GAS2L3: variants seen among roughly 807,000 people sequenced by gnomAD.
GAS2L3 encodes growth arrest specific 2 like 3.
A neutral mutation model predicts 37.0 loss-of-function variants in GAS2L3; 28 were observed. That is an observed-to-expected ratio of 0.76 (90% CI 0.56 to 1.04). GAS2L3 has a LOEUF of 1.04. Ranked by LOEUF, GAS2L3 falls within the 50% of genes least tolerant of loss-of-function variation. The pLI, the probability that GAS2L3 is intolerant of heterozygous loss-of-function variation, is 0.00. For synonymous variants in GAS2L3, 290 were observed against 296.6 expected (o/e 0.98, Z 0.23); for missense variants, 793 against 817.6 (o/e 0.97, Z 0.37).
chr12:100,599,369 A>G (rs1421066869), intron 3 of GAS2L3, among the ~76,000 whole-genome samples: 1 of 152,232 alleles, frequency 6.6e-6, no homozygotes, highest in African/African-American at 2.4e-5. Flanking sequence ...TATAAAATTT[A>G]TAGAGTGTCA....
intron 1 of GAS2L3, chr12:100,578,900 AT>A: frequency 1.2e-6 from 1 of 866,092 alleles, no homozygotes; most frequent in Non-Finnish European, 1.9e-6. Context: ...GGAAAGCCAC[AT>A]TTACCAGCTC....
chr12:100,591,512 G>A (rs1208210659), intron 1 of GAS2L3, among the ~76,000 whole-genome samples: 1 of 152,104 alleles, frequency 6.6e-6, no homozygotes, highest in African/African-American at 2.4e-5. Context: ...GTTAGTAAAA[G>A]CAGCTTTCCA....
intron 8 of GAS2L3, 147 bp downstream of exon 8, chr12:100,618,734 T>C (rs1184751801): frequency 4.8e-6 from 3 of 626,646 alleles, no homozygotes; most frequent in Non-Finnish European, 7.8e-6. Flanking sequence ...CATTCTCTGA[T>C]GAATTCAGGG....
chr12:100,614,270 C>T (rs1956160834), intron 6 of GAS2L3, among the ~76,000 whole-genome samples: 2 of 151,982 alleles, frequency 1.3e-5, no homozygotes, highest in African/African-American at 4.8e-5. Flanking sequence ...TTGAGACCAG[C>T]TTGGGCAACA....
At chr12:100,598,850 A>T (rs1336805190) in intron 3 of GAS2L3, among the ~76,000 whole-genome samples, 1 of 152,150 alleles carries the variant, frequency 6.6e-6, no homozygotes, top group Non-Finnish European at 1.5e-5. Flanking sequence ...TACTTCTCTC[A>T]TTCCATATTT....
chr12:100,589,308 A>G (rs919203192), intron 1 of GAS2L3, among the ~76,000 whole-genome samples: 1 of 151,560 alleles, frequency 6.6e-6, no homozygotes, highest in African/African-American at 2.4e-5. Flanking sequence ...AGAGAATCAA[A>G]TCAAGAACTC....
intron 6 of GAS2L3, among the ~76,000 whole-genome samples, chr12:100,617,523 C>G (rs528504236): frequency 6.6e-6 from 1 of 151,914 alleles, no homozygotes; most frequent in Non-Finnish European, 1.5e-5. Context: ...AAATAAAGGT[C>G]CATGGTAATT....
Position 100,609,222 on chromosome 12 carries a change from C to T in GAS2L3, c.304-2778C>T, listed in dbSNP as rs78669026. On this transcript the variant is annotated intron_variant, in intron 5 of 9. Coordinates refer to ENST00000547754, the MANE Select transcript of GAS2L3 (RefSeq NM_174942.3). Reference sequence around the variant, plus strand: ...GCTTTACTTTTCCCCCTGCCTTTCTCAAACAGGAGGAGTCTTTCATTGTAG... The same window carrying T: ...GCTTTACTTTTCCCCCTGCCTTTCTTAAACAGGAGGAGTCTTTCATTGTAG... 0.013 allele frequency among the ~76,000 whole-genome samples: 1,904 copies of T among 152,306 alleles called. 69 individuals are homozygous for T. The East Asian group carries it at 0.15, about 12-fold the overall frequency.
chr12:100,614,425 T>A (rs2136541023), intron 6 of GAS2L3, among the ~76,000 whole-genome samples: 1 of 151,892 alleles, frequency 6.6e-6, no homozygotes, highest in Middle Eastern at 3.4e-3. Flanking sequence ...ATCACGTCGC[T>A]ACACTCCAGA....
intron 5 of GAS2L3, among the ~76,000 whole-genome samples, chr12:100,609,783 A>C (rs1300318202): frequency 1.3e-5 from 2 of 152,210 alleles, no homozygotes; most frequent in African/African-American, 4.8e-5. Context: ...CTCTATGGGC[A>C]GACATCAGCT....
intron 2 of GAS2L3, among the ~76,000 whole-genome samples, chr12:100,592,777 A>G (rs1955862120): frequency 6.6e-6 from 1 of 152,110 alleles, no homozygotes; most frequent in Non-Finnish European, 1.5e-5. Context: ...AGACTTGGTT[A>G]CGTGAGAGGT....
intron 8 of GAS2L3, 74 bp downstream of exon 8, chr12:100,618,661 A>G (rs1956217834): frequency 1.5e-6 from 2 of 1,301,856 alleles, no homozygotes; most frequent in Non-Finnish European, 2.1e-6. Flanking sequence ...CTAGTGTGCT[A>G]CAGGTGATGC....
In GAS2L3 at chr12:100,618,570, G is replaced by A. The variant is rs778801221; in HGVS notation, c.631G>A (p.Glu211Lys). ...ISIPKSCCRH[E>K]ELHEAVKHIA... ...CATTCCAAAATCATGCTGTCGGCAT[G>A]AAGAGCTACATGAAGCTGTAAGTAG... The change falls in exon 8 of 10, where the codon GAA becomes AAA. Residue 211 changes from glutamate to lysine, a missense_variant. Glu to Lys is a moderately conservative substitution (Grantham distance 56, BLOSUM62 1). Transcript: ENST00000547754. 1 of 1,611,532 alleles carries A rather than the reference G, an allele frequency of 6.2e-7. No individual in the cohort carries two copies. Among genetic ancestry groups the A allele is most frequent in the South Asian group, 1.1e-5 (1 of 90,528 alleles).
chr12:100,591,455 G>A (rs991721894), intron 1 of GAS2L3, among the ~76,000 whole-genome samples: 2 of 151,884 alleles, frequency 1.3e-5, no homozygotes, highest in African/African-American at 4.8e-5. Flanking sequence ...TTATGATGTG[G>A]GTATTTTAAA....
At chr12:100,574,385 G>C (rs1955609986) in intron 1 of GAS2L3, among the ~76,000 whole-genome samples, 1 of 152,186 alleles carries the variant, frequency 6.6e-6, no homozygotes, top group Non-Finnish European at 1.5e-5. Flanking sequence ...TGCGGAACTG[G>C]GGAATAGAGC....
chr12:100,595,585 T>C (rs1322735314), intron 3 of GAS2L3, among the ~76,000 whole-genome samples: 1 of 151,968 alleles, frequency 6.6e-6, no homozygotes, highest in East Asian at 1.9e-4. Flanking sequence ...AAAGTCACAT[T>C]GAAGGTCTGC....
Position 100,624,768 on chromosome 12 carries a change from A to G in GAS2L3, c.1963A>G (p.Ile655Val), listed in dbSNP as rs778526148. ...CAGAAGTGGCAAAACCCCAGCTTCAATCAGGAAACCACCCTCATCTGTTAA... is the reference window on the plus strand; with the variant it reads ...CAGAAGTGGCAAAACCCCAGCTTCAGTCAGGAAACCACCCTCATCTGTTAA... ...PPRSGKTPAS[I>V]RKPPSSVKDA... The change falls in exon 10 of 10, where the codon ATC becomes GTC. Residue 655 changes from isoleucine to valine, a missense_variant. Ile to Val is a conservative substitution (Grantham distance 29). Transcript: ENST00000547754. 2 of 1,614,034 alleles carry G rather than the reference A, an allele frequency of 1.2e-6. No individual in the cohort carries two copies. Among genetic ancestry groups the G allele is most frequent in the Admixed American group, 3.3e-5 (2 of 60,010 alleles).
intron 6 of GAS2L3, among the ~76,000 whole-genome samples, chr12:100,617,301 T>A (rs1053765666): frequency 4.6e-5 from 7 of 152,308 alleles, no homozygotes; most frequent in Admixed American, 6.5e-5. Flanking sequence ...ACCTTTGATA[T>A]CAGGGTAATG....
chr12:100,576,664 C>G (rs1276926057), intron 1 of GAS2L3, among the ~76,000 whole-genome samples: 1 of 152,146 alleles, frequency 6.6e-6, no homozygotes, highest in African/African-American at 2.4e-5. Context: ...TTATGAGATA[C>G]AGACCATAAT....
Sources: allele counts gnomAD v4.1 joint callset (sites outside exome capture counted in the v4.1 genomes callset), GRCh38; gene constraint gnomAD v4.1.1; transcripts MANE v1.5; gene names NCBI Gene and HGNC (gene_info 2026-07-23, HGNC 2026-07-21).